The following WDHD1 variants were observed in gnomAD, a reference collection of about 807,000 sequenced individuals.
The protein encoded by WDHD1 is WD repeat and HMG-box DNA-binding protein 1.
WDHD1 carries 111 observed loss-of-function variants against 135.4 expected under a neutral mutation model. The ratio of observed to expected loss-of-function variants is 0.82; its 90% CI spans 0.70 to 0.96. The LOEUF (loss-of-function observed/expected upper bound fraction) is 0.96, where lower values mean the gene tolerates loss of function less well. Ranked by LOEUF, WDHD1 falls within the 40% of genes least tolerant of loss-of-function variation. The pLI is 0.00. For synonymous variants in WDHD1, 434 were observed against 439.0 expected (o/e 0.99, Z 0.14); for missense variants, 1,351 against 1,336.3 (o/e 1.01, Z -0.17).
At chr14:54,957,007 T>G in intron 23 of WDHD1, 27 bp downstream of exon 23, 1 of 1,606,400 alleles carries the variant, frequency 6.2e-7, no homozygotes, top group Non-Finnish European at 8.5e-7. Flanking sequence ...TGCTGCTTAC[T>G]GCAGATGAGG....
intron 23 of WDHD1, among the ~76,000 whole-genome samples, chr14:54,956,322 A>T (rs1487990308): frequency 6.6e-6 from 1 of 152,230 alleles, no homozygotes; most frequent in East Asian, 1.9e-4. Context: ...ATTTTTAAAA[A>T]GTGATCTGTA....
chr14:54,968,534 G>A (rs1206961527), intron 16 of WDHD1, among the ~76,000 whole-genome samples: 1 of 151,910 alleles, frequency 6.6e-6, no homozygotes, highest in Non-Finnish European at 1.5e-5. Flanking sequence ...ACAAAATTGA[G>A]ACTAAAGAAT....
At chr14:54,996,301 A>T (rs1334405523) in intron 10 of WDHD1, among the ~76,000 whole-genome samples, 2 of 152,238 alleles carry the variant, frequency 1.3e-5, no homozygotes, top group Non-Finnish European at 2.9e-5. Context: ...AGAAAAACAA[A>T]GAAGGCAAAG....
intron 12 of WDHD1, among the ~76,000 whole-genome samples, chr14:54,990,028 A>C (rs1056545587): frequency 6.6e-6 from 1 of 152,196 alleles, no homozygotes; most frequent in Non-Finnish European, 1.5e-5. Flanking sequence ...ATAGGCTCAC[A>C]CTAGGCCCTA....
At position 54,995,775 on chromosome 14, in the gene WDHD1, A is replaced by G. The variant is rs2041868304; in HGVS notation, c.981T>C (p.Phe327=). 7.4e-6 allele frequency: 12 copies of G among 1,611,300 alleles called. No individual in the cohort carries two copies. Among genetic ancestry groups the G allele is most frequent in the Non-Finnish European group, 1.0e-5 (12 of 1,178,754 alleles). Residue 327 remains phenylalanine, a synonymous_variant, in exon 11 of 26, where the codon TTT becomes TTC. Coordinates refer to ENST00000360586, the MANE Select transcript of WDHD1 (RefSeq NM_007086.4). ...SRVEKDYNDL[F]DGDDMSNAGD... ...CAGCATTACTCATATCATCTCCATC[A>G]AAAAGATCATTATAATCCTTTTCCA...
chr14:54,987,369 G>T lies in WDHD1; in HGVS notation c.1545C>A (p.His515Gln), dbSNP rs745720805. Residue 515 changes from histidine to glutamine, a missense_variant, in exon 14 of 26, where the codon CAC (histidine) becomes CAA (glutamine). Coordinates refer to ENST00000360586, the MANE Select transcript of WDHD1 (RefSeq NM_007086.4). ...DELASKLHCL[H>Q]FSSWDSSKEW... is the part of the protein sequence containing the mutation. ...CTTTGCTTGAATCCCAAGAACTAAA[G>T]TGCAGGCAGTGAAGCTTGCTAAAAA... The T allele has an allele frequency of 6.2e-7, 1 of 1,613,032 alleles. No homozygotes were observed. The highest frequency in any genetic ancestry group is 2.2e-5 in the East Asian group (1 of 44,822).
At chr14:54,970,608 G>A (rs1355005572) in intron 16 of WDHD1, among the ~76,000 whole-genome samples, 1 of 138,886 alleles carries the variant, frequency 7.2e-6, no homozygotes, top group Non-Finnish European at 1.5e-5. Flanking sequence ...GGTTTGCATC[G>A]AAGTCACAGC....
Position 54,962,758 on chromosome 14 carries a change from T to G in WDHD1, c.2627A>C (p.Lys876Thr). 1.2e-6 allele frequency: 2 copies of G among 1,613,976 alleles called. No individual in the cohort carries two copies. Among genetic ancestry groups the G allele is most frequent in the Non-Finnish European group, 1.7e-6 (2 of 1,180,004 alleles). The change falls in exon 20 of 26, where the codon AAA becomes ACA. Residue 876 changes from lysine to threonine, a missense_variant. Lys to Thr is a moderately conservative substitution (Grantham distance 78). Transcript: ENST00000360586. ...CTCACCAGGCTTATGTATTTCTGGT[T>G]TTTCTTCATCATCAGCTTCTCCACT... is the stretch of plus-strand genomic sequence containing the variant. ...EDSGEADDEEKPEIHKPGQNS... is the reference protein window; with the variant it reads ...EDSGEADDEETPEIHKPGQNS...
chr14:54,959,899 T>A (rs138298438), intron 21 of WDHD1, among the ~76,000 whole-genome samples: 2 of 152,338 alleles, frequency 1.3e-5, no homozygotes, highest in African/African-American at 4.8e-5. Flanking sequence ...CTTTTGTCTC[T>A]CCTGGCAGAG....
In WDHD1 at chr14:54,983,654, C is replaced by G. The variant is rs1232719565; in HGVS notation, c.1906+1069G>C. 3.3e-5 allele frequency among the ~76,000 whole-genome samples: 5 copies of G among 150,534 alleles called. No homozygotes were observed. In the East Asian group the frequency reaches 9.7e-4, roughly 29 times the overall value. ...CATCATTGCACTCCAGCCTGGGCAA[C>G]AGAGCAAGACTCCTAATTTATTCCT... On this transcript the variant is annotated intron_variant, in intron 15 of 25. Coordinates refer to ENST00000360586, the MANE Select transcript of WDHD1 (RefSeq NM_007086.4).
chr14:54,963,194 G>C lies in WDHD1; in HGVS notation c.2311-22C>G, dbSNP rs753530365. On this transcript the variant is annotated intron_variant, in intron 18 of 25. Transcript: ENST00000360586. Reference sequence around the variant, plus strand: ...AAAGCTAATCCAAAAAGGGGGGGGGGGGGGAGATCAAATAACATCAAGTAA... The same window carrying C: ...AAAGCTAATCCAAAAAGGGGGGGGGCGGGGAGATCAAATAACATCAAGTAA... 6.4e-5 allele frequency: 41 copies of C among 639,084 alleles called. 7 individuals are homozygous for C. The highest frequency in any genetic ancestry group is 8.7e-5 in the Non-Finnish European group (33 of 379,106). 39.6% of individuals were successfully genotyped at this position (639,084 alleles called of 1,614,324 possible).
chr14:55,025,224 T>C (rs1036236182), intron 2 of WDHD1, among the ~76,000 whole-genome samples: 1 of 148,300 alleles, frequency 6.7e-6, no homozygotes, highest in Non-Finnish European at 1.5e-5. Context: ...ACATTGTCTA[T>C]GATGCAAAGA....
At chr14:55,026,833 T>C (rs1041606294) in intron 1 of WDHD1, 30 bp from the exon 2 acceptor site, 2 of 1,607,640 alleles carry the variant, frequency 1.2e-6, no homozygotes, top group Non-Finnish European at 1.7e-6. Flanking sequence ...GCCAGTCTTA[T>C]TATTTCAAAA....
intron 4 of WDHD1, 88 bp from the exon 5 acceptor site, chr14:55,008,807 T>TC: frequency 9.2e-7 from 1 of 1,089,262 alleles, no homozygotes; most frequent in East Asian, 2.6e-5. Flanking sequence ...CTTTTTTTTT[T>TC]TTTTTCTTTT....
At chr14:54,980,711 TAGA>T (rs1304011547) in intron 16 of WDHD1, among the ~76,000 whole-genome samples, 2 of 140,932 alleles carry the variant, frequency 1.4e-5, no homozygotes, top group African/African-American at 5.4e-5. Flanking sequence ...GAGGCTGAGG[TAGA>T]AGAATAGCTT....
intron 16 of WDHD1, among the ~76,000 whole-genome samples, chr14:54,969,279 G>T (rs1452643967): frequency 6.6e-6 from 1 of 150,414 alleles, no homozygotes; most frequent in Non-Finnish European, 1.5e-5. Context: ...GCCCGCCTAT[G>T]CCTCCCAAAG....
At chr14:54,967,441 T>C in intron 16 of WDHD1, 47 bp from the exon 17 acceptor site, 1 of 1,416,268 alleles carries the variant, frequency 7.1e-7, no homozygotes, top group Non-Finnish European at 9.7e-7. Flanking sequence ...TAACATGTCA[T>C]AAAAACTACA....
chr14:54,951,734 C>T (rs1463261924), intron 24 of WDHD1, among the ~76,000 whole-genome samples: 2 of 152,130 alleles, frequency 1.3e-5, no homozygotes, highest in East Asian at 1.9e-4. Context: ...TGATGAACAT[C>T]GATGCAAAAA....
intron 24 of WDHD1, among the ~76,000 whole-genome samples, chr14:54,954,910 A>T (rs1248061475): frequency 6.6e-6 from 1 of 151,914 alleles, no homozygotes; most frequent in Non-Finnish European, 1.5e-5. Context: ...TGTATTTTTA[A>T]TAGAGACAGG....
Sources: allele counts gnomAD v4.1 joint callset (sites outside exome capture counted in the v4.1 genomes callset), GRCh38; gene constraint gnomAD v4.1.1; transcripts MANE v1.5; gene names NCBI Gene and HGNC (gene_info 2026-07-23, HGNC 2026-07-21).